Variants in DCUN1D2 observed in about 807,000 individuals in gnomAD.
DCUN1D2 encodes DCN1-like protein 2.
Under a neutral mutation model 30.9 loss-of-function variants are expected in DCUN1D2, and 29 were observed. The observed-to-expected ratio is 0.94, with a 90% CI of 0.70 to 1.28. The LOEUF is 1.28. Ranked by LOEUF, DCUN1D2 falls within the 50% of genes most tolerant of loss-of-function variation. DCUN1D2 has a pLI of 0.00. For synonymous variants in DCUN1D2, 121 were observed against 115.3 expected (o/e 1.05, Z -0.32); for missense variants, 325 against 316.9 (o/e 1.03, Z -0.19).
intron 4 of DCUN1D2, among the ~76,000 whole-genome samples, chr13:113,472,517 C>A (rs2044538479): frequency 6.6e-6 from 1 of 152,198 alleles, no homozygotes; most frequent in Admixed American, 6.5e-5. Flanking sequence ...AACAGCACTC[C>A]ATGAGTTCAC....
intron 4 of DCUN1D2, among the ~76,000 whole-genome samples, chr13:113,467,887 T>C (rs2044432483): frequency 6.6e-6 from 1 of 150,928 alleles, no homozygotes; most frequent in African/African-American, 2.4e-5. Flanking sequence ...CTACTAATAA[T>C]ACAAAAATTA....
At chr13:113,477,044 T>C (rs1327145190) in intron 3 of DCUN1D2, among the ~76,000 whole-genome samples, 1 of 152,224 alleles carries the variant, frequency 6.6e-6, no homozygotes. Flanking sequence ...TAGTCTTAAT[T>C]ACTGTAGCTT....
intron 2 of DCUN1D2, among the ~76,000 whole-genome samples, chr13:113,482,639 A>G (rs1212080902): frequency 6.6e-6 from 1 of 152,162 alleles, no homozygotes; most frequent in Non-Finnish European, 1.5e-5. Context: ...GTAAAAAACG[A>G]AAGTAATAAA....
intron 4 of DCUN1D2, among the ~76,000 whole-genome samples, chr13:113,466,894 C>T (rs2044413503): frequency 6.6e-6 from 1 of 151,246 alleles, no homozygotes; most frequent in Non-Finnish European, 1.5e-5. Flanking sequence ...GCAAGCTCCA[C>T]CTCCTGGGTT....
chr13:113,490,591 C>G lies in DCUN1D2; in HGVS notation c.3+76G>C. 1 of 1,193,150 alleles carries G rather than the reference C, an allele frequency of 8.4e-7. No individual in the cohort carries two copies. 73.9% of individuals were successfully genotyped at this position (1,193,150 alleles called of 1,614,324 possible). ...GCTGGGCTCGGCCTCCCACATCCAG[C>G]GCGCCGCCTGCGCCGACCTTGGGGC... On this transcript the variant is annotated intron_variant, in intron 1 of 6. Coordinates refer to ENST00000478244, the MANE Select transcript of DCUN1D2 (RefSeq NM_001014283.2). The surrounding 1 kb of genome is among the most constrained non-coding windows in gnomAD (Gnocchi z 5.2).
rs1447147010 is a variant in DCUN1D2 at position 113,456,584 on chromosome 13, T to G, written c.*1445A>C. The G allele has an allele frequency of 2.6e-6, 1 of 389,686 alleles. No homozygotes were observed. Among genetic ancestry groups the G allele is most frequent in the Non-Finnish European group, 4.5e-6 (1 of 220,934 alleles). The allele number at this position is 389,686 out of a possible 1,614,324, so 24.1% of individuals were successfully genotyped here. ...GCAAGGCACGCCTGTGACATGAGAG[T>G]CTCGGCACGTGAGGTAGGGTCAACA... On this transcript the variant is annotated 3_prime_UTR_variant, in exon 7 of 7. Transcript: ENST00000478244.
At chr13:113,470,847 A>C (rs541106271) in intron 4 of DCUN1D2, among the ~76,000 whole-genome samples, 1 of 149,698 alleles carries the variant, frequency 6.7e-6, no homozygotes, top group Non-Finnish European at 1.5e-5. Context: ...ACCCAACTCC[A>C]CAGGGGACCC....
Position 113,462,160 on chromosome 13 carries a change from G to A in DCUN1D2, c.521-1024C>T, listed in dbSNP as rs181294260. Among the ~76,000 whole-genome samples the A allele has an allele frequency of 4.4e-4, 67 of 151,884 alleles. 1 individual carries two copies. The East Asian group carries it at 0.01, about 24-fold the overall frequency. On this transcript the variant is annotated intron_variant, in intron 4 of 6. Transcript: ENST00000478244. Reference sequence around the variant, plus strand: ...CCAGCTACTGGGGAGGCTGAGGCAGGAGAATCACTTGAACCTGGGAGGCGG... The same window carrying A: ...CCAGCTACTGGGGAGGCTGAGGCAGAAGAATCACTTGAACCTGGGAGGCGG...
chr13:113,479,757 C>T (rs1244616301), intron 3 of DCUN1D2, among the ~76,000 whole-genome samples: 1 of 152,132 alleles, frequency 6.6e-6, no homozygotes, highest in Non-Finnish European at 1.5e-5. Flanking sequence ...AGTAGGAGTA[C>T]ACTCGAAAAT....
chr13:113,480,833 T>C (rs2044695802), intron 2 of DCUN1D2, 90 bp from the exon 3 acceptor site: 1 of 1,363,116 alleles, frequency 7.3e-7, no homozygotes, highest in Non-Finnish European at 1.0e-6. Context: ...TCGATTATAC[T>C]ACATAGTTCT....
intron 2 of DCUN1D2, 89 bp downstream of exon 2, chr13:113,483,751 C>G (rs2044750555): frequency 1.5e-6 from 2 of 1,352,296 alleles, no homozygotes; most frequent in Admixed American, 1.9e-5. Context: ...GCCCGGAGAC[C>G]TGCCCCGGCA....
chr13:113,459,837 C>G (rs1363112518), intron 5 of DCUN1D2, among the ~76,000 whole-genome samples: 1 of 152,194 alleles, frequency 6.6e-6, no homozygotes, highest in Admixed American at 6.5e-5. Context: ...GAAACGTATG[C>G]GGGCTGACGT....
Position 113,490,512 on chromosome 13 carries a change from C to A in DCUN1D2, c.3+155G>T. The stretch of plus-strand genomic sequence containing the variant: ...CCTCCGACGCCACCGCTCCGGCTCG[C>A]GGGCCCGCGGCGCGTTCCTCCCTCG... On this transcript the variant is annotated intron_variant, in intron 1 of 6. Transcript: ENST00000478244. This position sits in a 1 kb window ranked among gnomAD's most constrained non-coding sequence, Gnocchi z 5.2. 1 of 821,818 alleles carries A rather than the reference C, an allele frequency of 1.2e-6. No homozygotes were observed. Among genetic ancestry groups the A allele is most frequent in the Non-Finnish European group, 1.6e-6 (1 of 615,998 alleles). The allele number at this position is 821,818 out of a possible 1,614,324, so 50.9% of individuals were successfully genotyped here.
intron 2 of DCUN1D2, among the ~76,000 whole-genome samples, chr13:113,482,073 G>A (rs181789576): frequency 2.2e-4 from 34 of 152,156 alleles, no homozygotes; most frequent in Admixed American, 5.9e-4. Flanking sequence ...ACAATGCTCT[G>A]AGCTAATAAA....
At chr13:113,478,706 G>T (rs1005242099) in intron 3 of DCUN1D2, among the ~76,000 whole-genome samples, 20 of 151,888 alleles carry the variant, frequency 1.3e-4, no homozygotes, top group Non-Finnish European at 2.5e-4. Context: ...CATCCCAAGG[G>T]TTACTTAGAG....
At chr13:113,483,712 G>T in intron 2 of DCUN1D2, 128 bp downstream of exon 2, 1 of 834,446 alleles carries the variant, frequency 1.2e-6, no homozygotes, top group Non-Finnish European at 1.9e-6. Flanking sequence ...AGCGCCGAGC[G>T]CTGAGCGTGG....
At chr13:113,482,554 T>A (rs1345740609) in intron 2 of DCUN1D2, among the ~76,000 whole-genome samples, 1 of 152,166 alleles carries the variant, frequency 6.6e-6, no homozygotes, top group Admixed American at 6.5e-5. Flanking sequence ...TGAGCCAAGA[T>A]TTTTTAAAGC....
At chr13:113,458,326 AG>A (rs1265785646) in intron 6 of DCUN1D2, among the ~76,000 whole-genome samples, 4 of 152,148 alleles carry the variant, frequency 2.6e-5, no homozygotes, top group Non-Finnish European at 5.9e-5. Flanking sequence ...TGGCATGTCT[AG>A]GGGGCTGTGG....
At position 113,488,551 on chromosome 13, in the gene DCUN1D2, CA is replaced by C. The variant is rs2044847852; in HGVS notation, c.3+2115del. On this transcript the variant is annotated intron_variant, in intron 1 of 6. Transcript: ENST00000478244. The surrounding 1 kb of genome is among the most constrained non-coding windows in gnomAD (Gnocchi z 4.3). Reference sequence around the variant, plus strand: ...AAAAGGCTCGTCAACTAAAAAACTACAGGGGAGAGAAGGAAGCCGAGTCCCT... The same window carrying C: ...AAAAGGCTCGTCAACTAAAAAACTACGGGGAGAGAAGGAAGCCGAGTCCCT... Among the ~76,000 whole-genome samples, 1 of 152,188 alleles carries C rather than the reference CA, an allele frequency of 6.6e-6. No individual in the cohort carries two copies. The highest frequency in any genetic ancestry group is 2.1e-4 in the South Asian group (1 of 4,834).
Sources: gnomAD v4.1 joint callset for allele counts (sites outside exome capture counted in the v4.1 genomes callset) on GRCh38, gnomAD v4.1.1 for gene constraint, Gnocchi (gnomAD v3.1) non-coding constraint, MANE v1.5 for transcripts, NCBI Gene and HGNC (gene_info 2026-07-23, HGNC 2026-07-21) for gene names.